The following ZRANB3 variants were observed in gnomAD, a reference collection of about 807,000 sequenced individuals.
The protein encoded by ZRANB3 is DNA annealing helicase and endonuclease ZRANB3.
In ZRANB3, 125 loss-of-function variants were observed where a neutral mutation model predicts 133.8. That is an observed-to-expected ratio of 0.93 (90% CI 0.81 to 1.08). The LOEUF is 1.08. Ranked by LOEUF, ZRANB3 falls within the 50% of genes least tolerant of loss-of-function variation. ZRANB3 has a pLI of 0.00. For synonymous variants in ZRANB3, 387 were observed against 432.7 expected (o/e 0.89, Z 1.31); for missense variants, 1,229 against 1,275.5 (o/e 0.96, Z 0.56).
At chr2:135,348,397 AT>A (rs558896488) in intron 5 of ZRANB3, among the ~76,000 whole-genome samples, 118 of 152,246 alleles carry the variant, frequency 7.8e-4, no homozygotes, top group African/African-American at 2.6e-3. Flanking sequence ...TTATACAATC[AT>A]CAGGACCCAC....
At chr2:135,364,133 G>A (rs113163246) in intron 3 of ZRANB3, among the ~76,000 whole-genome samples, 2,055 of 151,810 alleles carry the variant, frequency 0.014, 49 homozygotes, top group African/African-American at 0.048. Context: ...AGGGAAGGAA[G>A]GAGGGAGGGA....
chr2:135,289,523 G>A (rs1046697823), intron 8 of ZRANB3, among the ~76,000 whole-genome samples: 3 of 152,134 alleles, frequency 2.0e-5, no homozygotes, highest in African/African-American at 7.2e-5. Context: ...CACAGTGCTG[G>A]GATTACTGGC....
At chr2:135,372,893 G>A (rs1028919889) in intron 3 of ZRANB3, among the ~76,000 whole-genome samples, 2 of 151,528 alleles carry the variant, frequency 1.3e-5, no homozygotes, top group Admixed American at 6.6e-5. Context: ...ACCAGCCTGG[G>A]CAACACAGTG....
intron 6 of ZRANB3, among the ~76,000 whole-genome samples, chr2:135,335,772 CAT>C (rs1213156986): frequency 6.6e-6 from 1 of 152,156 alleles, no homozygotes; most frequent in Non-Finnish European, 1.5e-5. Context: ...CTTCTCACAG[CAT>C]ACTTTTTGAA....
intron 8 of ZRANB3, among the ~76,000 whole-genome samples, chr2:135,305,366 C>T (rs1324273315): frequency 6.6e-6 from 1 of 152,222 alleles, no homozygotes; most frequent in Non-Finnish European, 1.5e-5. Context: ...TCTTTGCTTT[C>T]AGTCTATATG....
At chr2:135,232,155 G>A (rs1226677172) in intron 12 of ZRANB3, among the ~76,000 whole-genome samples, 1 of 152,198 alleles carries the variant, frequency 6.6e-6, no homozygotes, top group Admixed American at 6.5e-5. Flanking sequence ...TCCCGCGCCT[G>A]GCTCAGAGGG....
chr2:135,210,514 T>C (rs1161936977), intron 17 of ZRANB3, among the ~76,000 whole-genome samples: 1 of 152,076 alleles, frequency 6.6e-6, no homozygotes, highest in South Asian at 2.1e-4. Context: ...GTATTTTTAG[T>C]AGAGATGGGA....
chr2:135,306,527 C>T (rs558026323), intron 8 of ZRANB3, among the ~76,000 whole-genome samples: 172 of 151,024 alleles, frequency 1.1e-3, no homozygotes, highest in Admixed American at 3.4e-3. Context: ...CTTCTGACCT[C>T]GTGATCCACC....
chr2:135,391,018 G>A (rs1013580998), intron 2 of ZRANB3, among the ~76,000 whole-genome samples, 198 bp from the exon 3 acceptor site: 23 of 151,878 alleles, frequency 1.5e-4, no homozygotes, highest in African/African-American at 4.6e-4. Flanking sequence ...GTGTCACCAC[G>A]CCCATCTAAT....
At chr2:135,206,601 A>G (rs1320392480) in intron 19 of ZRANB3, among the ~76,000 whole-genome samples, 5 of 151,804 alleles carry the variant, frequency 3.3e-5, no homozygotes, top group South Asian at 2.1e-4. Context: ...AAGGAATTGT[A>G]ATTGTGTTGG....
rs113400443 is a variant in ZRANB3, at chr2:135,341,168, C to T, written c.677+4382G>A. Among the ~76,000 whole-genome samples, 994 of 149,422 alleles carry T rather than the reference C, an allele frequency of 6.7e-3. 121 individuals carry two copies. Among genetic ancestry groups the T allele is most frequent in the African/African-American group, 0.024 (932 of 38,944 alleles). On this transcript the variant is annotated intron_variant, in intron 6 of 20. Transcript: ENST00000264159. Reference sequence around the variant, plus strand: ...CAGAGTAGCTGGGACTACAGGTGCCCGCCACCACACCTGGCTAATTTTTTT... The same window carrying T: ...CAGAGTAGCTGGGACTACAGGTGCCTGCCACCACACCTGGCTAATTTTTTT...
chr2:135,472,476 G>A (rs1428065500), intron 2 of ZRANB3, among the ~76,000 whole-genome samples: 1 of 149,880 alleles, frequency 6.7e-6, no homozygotes, highest in Non-Finnish European at 1.5e-5. Context: ...CTCCAGCCTG[G>A]GTGACAGCGA....
chr2:135,412,467 CT>C (rs1225985542), intron 2 of ZRANB3, among the ~76,000 whole-genome samples: 2 of 152,134 alleles, frequency 1.3e-5, no homozygotes, highest in East Asian at 3.9e-4. Context: ...ACCTGGCTTA[CT>C]TTTTGTTGCT....
At chr2:135,369,957 A>AT (rs1422995489) in intron 3 of ZRANB3, among the ~76,000 whole-genome samples, 3 of 151,274 alleles carry the variant, frequency 2.0e-5, no homozygotes, top group African/African-American at 7.3e-5. Context: ...TATTTCCAGT[A>AT]CCCTACATTT....
At chr2:135,426,720 T>C (rs999385367) in intron 2 of ZRANB3, among the ~76,000 whole-genome samples, 212 of 147,152 alleles carry the variant, frequency 1.4e-3, no homozygotes, top group African/African-American at 4.9e-3. Context: ...TAGTCCCAGC[T>C]ACTTGGGAGG....
chr2:135,212,871 T>C (rs938238781), intron 17 of ZRANB3, among the ~76,000 whole-genome samples: 2 of 152,182 alleles, frequency 1.3e-5, no homozygotes, highest in Admixed American at 6.5e-5. Flanking sequence ...GATTAAACAA[T>C]TGGCATCCTA....
chr2:135,258,721 T>C (rs558899815), intron 12 of ZRANB3, among the ~76,000 whole-genome samples: 1 of 152,284 alleles, frequency 6.6e-6, no homozygotes, highest in South Asian at 2.1e-4. Context: ...GTGCTTTGAA[T>C]TCCTAAAATA....
chr2:135,268,812 G>T, intron 11 of ZRANB3, 150 bp downstream of exon 11: 1 of 671,586 alleles, frequency 1.5e-6, no homozygotes, highest in Non-Finnish European at 2.4e-6. Flanking sequence ...TACTACTGAA[G>T]CCTTTTCTTA....
chr2:135,496,848 C>T (rs556064269), intron 2 of ZRANB3, among the ~76,000 whole-genome samples: 3 of 152,252 alleles, frequency 2.0e-5, no homozygotes, highest in South Asian at 2.1e-4. Flanking sequence ...AAGCCCAATG[C>T]GATACCAACT....
Sources: gnomAD v4.1 joint callset for allele counts (sites outside exome capture counted in the v4.1 genomes callset) on GRCh38, gnomAD v4.1.1 for gene constraint, MANE v1.5 for transcripts, NCBI Gene and HGNC (gene_info 2026-07-23, HGNC 2026-07-21) for gene names.